Variants in CAMKMT observed in about 807,000 individuals in gnomAD.
CAMKMT encodes the protein CaM KMT.
Under a neutral mutation model 48.0 loss-of-function variants are expected in CAMKMT, and 53 were observed. The observed-to-expected ratio is 1.10, with a 90% confidence interval of 0.89 to 1.39. The LOEUF (loss-of-function observed/expected upper bound fraction) is 1.39, where lower values mean the gene tolerates loss of function less well. Ranked by LOEUF, CAMKMT falls within the 40% of genes most tolerant of loss-of-function variation. CAMKMT has a pLI of 0.00. For missense variants in CAMKMT, 428 were observed against 402.7 expected, an observed-to-expected ratio of 1.06 and a Z score of -0.54; for synonymous variants, 165 against 152.3, an observed-to-expected ratio of 1.08 and a Z score of -0.61.
At position 44,545,684 on chromosome 2, in the gene CAMKMT, T is replaced by TTG. The variant is rs1475806424; in HGVS notation, c.376+155380_376+155381insGT. On this transcript the variant is annotated intron_variant, in intron 3 of 10. Transcript: ENST00000378494. ...TGTTCTAACTTCTAGACTCGGTCTTTTTTTTTTTTTTTTTAACTATATCAA... is the reference window on the plus strand; with the variant it reads ...TGTTCTAACTTCTAGACTCGGTCTTTTGTTTTTTTTTTTTTTAACTATATCAA... Among the ~76,000 whole-genome samples the TTG allele has an allele frequency of 2.7e-3, 407 of 150,660 alleles. 1 individual carries two copies. Among genetic ancestry groups the TTG allele is most frequent in the African/African-American group, 9.4e-3 (387 of 41,162 alleles).
intron 3 of CAMKMT, among the ~76,000 whole-genome samples, chr2:44,652,005 A>G (rs1436007022): frequency 6.6e-6 from 1 of 152,242 alleles, no homozygotes; most frequent in Admixed American, 6.5e-5. Context: ...TTAATACAGT[A>G]TATGTGCATT....
intron 3 of CAMKMT, among the ~76,000 whole-genome samples, chr2:44,472,581 A>T (rs698804): frequency 0.81 from 123,382 of 152,150 alleles, 50,384 homozygotes; most frequent in African/African-American, 0.9. Flanking sequence ...TTTTAACAAA[A>T]ATTTATGGAT....
chr2:44,434,512 T>A (rs990407383), intron 3 of CAMKMT, among the ~76,000 whole-genome samples: 6 of 152,196 alleles, frequency 3.9e-5, no homozygotes, highest in Non-Finnish European at 7.4e-5. Context: ...ACCTAAGCTC[T>A]CCATTTATGC....
chr2:44,634,641 A>T, intron 3 of CAMKMT, among the ~76,000 whole-genome samples: 1 of 152,048 alleles, frequency 6.6e-6, no homozygotes, highest in Non-Finnish European at 1.5e-5. Flanking sequence ...TCTTCAAGGA[A>T]GCTCACAGTC....
intron 3 of CAMKMT, among the ~76,000 whole-genome samples, chr2:44,433,210 T>C (rs1182313247): frequency 6.6e-6 from 1 of 152,192 alleles, no homozygotes; most frequent in Non-Finnish European, 1.5e-5. Context: ...AATACATATA[T>C]ATATCCTTTT....
At chr2:44,425,442 T>C (rs796157655) in intron 3 of CAMKMT, among the ~76,000 whole-genome samples, 48 of 152,182 alleles carry the variant, frequency 3.2e-4, no homozygotes, top group African/African-American at 1.1e-3. Context: ...ACAAGGTCAT[T>C]ATAGACTGAT....
intron 3 of CAMKMT, among the ~76,000 whole-genome samples, chr2:44,411,014 G>T (rs1683167031): frequency 6.6e-6 from 1 of 152,176 alleles, no homozygotes; most frequent in East Asian, 1.9e-4. Context: ...TAAAGGAAAT[G>T]TAATCTTTTG....
intron 8 of CAMKMT, among the ~76,000 whole-genome samples, chr2:44,750,242 C>T (rs1015421598): frequency 1.6e-4 from 24 of 152,186 alleles, no homozygotes; most frequent in African/African-American, 4.8e-4. Flanking sequence ...CCTCCGCCTC[C>T]GCCTCCAAGG....
chr2:44,672,788 T>TACA (rs1431224658), intron 3 of CAMKMT, among the ~76,000 whole-genome samples: 7 of 152,204 alleles, frequency 4.6e-5, no homozygotes, highest in African/African-American at 1.7e-4. Flanking sequence ...TACTGTAAGA[T>TACA]GTACAAGTAC....
chr2:44,428,079 G>C (rs968346033), intron 3 of CAMKMT, among the ~76,000 whole-genome samples: 1 of 152,182 alleles, frequency 6.6e-6, no homozygotes, highest in Non-Finnish European at 1.5e-5. Flanking sequence ...TGTTGGCTAA[G>C]TGTTAACCAG....
chr2:44,733,951 C>T (rs1475485432), intron 7 of CAMKMT, among the ~76,000 whole-genome samples: 1 of 152,072 alleles, frequency 6.6e-6, no homozygotes, highest in Non-Finnish European at 1.5e-5. Flanking sequence ...TTTATATCTT[C>T]TCCCTTTTTT....
At chr2:44,507,542 CTT>C (rs1366460650) in intron 3 of CAMKMT, among the ~76,000 whole-genome samples, 1 of 151,896 alleles carries the variant, frequency 6.6e-6, no homozygotes, top group African/African-American at 2.4e-5. Context: ...TCATTTTTTT[CTT>C]GTCTATTTTC....
At chr2:44,423,856 G>A (rs988476154) in intron 3 of CAMKMT, among the ~76,000 whole-genome samples, 2 of 152,118 alleles carry the variant, frequency 1.3e-5, no homozygotes, top group Non-Finnish European at 2.9e-5. Flanking sequence ...ACTTTTCTAA[G>A]TAGTCTTCTG....
intron 2 of CAMKMT, among the ~76,000 whole-genome samples, chr2:44,381,824 C>A (rs536562545): frequency 2.0e-5 from 3 of 152,038 alleles, no homozygotes; most frequent in Non-Finnish European, 4.4e-5. Flanking sequence ...TGTTATCTCT[C>A]CATGTTAGGA....
intron 3 of CAMKMT, among the ~76,000 whole-genome samples, chr2:44,564,809 G>A (rs1668523921): frequency 6.6e-6 from 1 of 151,870 alleles, no homozygotes; most frequent in Admixed American, 6.6e-5. Flanking sequence ...CAAAGAACTG[G>A]GATTACAGGC....
At position 44,556,136 on chromosome 2, in the gene CAMKMT, T is replaced by TTTTA. The variant is rs1292325046; in HGVS notation, c.377-148138_377-148135dup. Reference sequence around the variant, plus strand: ...ACCTACAATTTTTTTTATTTTTTATTTTTATTTATTTACTTATTTTGAGAT... The same window carrying TTTTA: ...ACCTACAATTTTTTTTATTTTTTATTTTTATTTATTTATTTACTTATTTTGAGAT... On this transcript the variant is annotated intron_variant, in intron 3 of 10. Coordinates refer to ENST00000378494, the MANE Select transcript of CAMKMT (RefSeq NM_024766.5). Among the ~76,000 whole-genome samples, 183 of 152,172 alleles carry TTTTA rather than the reference T, an allele frequency of 1.2e-3. 2 individuals carry two copies. Among genetic ancestry groups the TTTTA allele is most frequent in the Non-Finnish European group, 3.1e-4 (21 of 67,992 alleles).
chr2:44,594,442 T>C (rs187479938), intron 3 of CAMKMT, among the ~76,000 whole-genome samples: 10 of 152,314 alleles, frequency 6.6e-5, no homozygotes, highest in African/African-American at 7.2e-5. Context: ...CAAAACAGCA[T>C]GGTACTGGTA....
intron 3 of CAMKMT, among the ~76,000 whole-genome samples, chr2:44,616,499 A>G (rs370069848): frequency 6.6e-5 from 10 of 151,932 alleles, no homozygotes; most frequent in South Asian, 6.3e-4. Context: ...TTTTTATTAC[A>G]AGCCATATAT....
At chr2:44,536,511 A>G (rs935576845) in intron 3 of CAMKMT, among the ~76,000 whole-genome samples, 6 of 151,814 alleles carry the variant, frequency 4.0e-5, no homozygotes, top group Admixed American at 3.9e-4. Flanking sequence ...TATTTTTAGT[A>G]GAGATGGGGT....
Sources: gnomAD v4.1 joint callset for allele counts (sites outside exome capture counted in the v4.1 genomes callset) on GRCh38, gnomAD v4.1.1 for gene constraint, MANE v1.5 for transcripts, NCBI Gene and HGNC (gene_info 2026-07-23, HGNC 2026-07-21) for gene names.